The following ELF2 variants were observed in gnomAD, a reference collection of about 807,000 sequenced individuals.
ELF2 encodes E74 like ETS transcription factor 2, also known as ETS-related transcription factor Elf-2.
A neutral mutation model predicts 54.8 loss-of-function variants in ELF2; 11 were observed. That is an observed-to-expected ratio of 0.20 (90% CI 0.13 to 0.33). ELF2 has a LOEUF of 0.33. Ranked by LOEUF, ELF2 falls within the 10% of genes least tolerant of loss-of-function variation. The probability of loss-of-function intolerance (pLI) is 1.00; values close to 1 mark genes in which losing one functional copy is unlikely to be tolerated. For missense variants in ELF2, 513 were observed against 703.0 expected, an observed-to-expected ratio of 0.73 and a Z score of 3.06; for synonymous variants, 203 against 245.1, an observed-to-expected ratio of 0.83 and a Z score of 1.61.
Position 139,137,373 on chromosome 4 carries a change from A to G in ELF2, c.72+257T>C, listed in dbSNP as rs971806544. ...GATTTAAATTTAACTCTCAACTAAT[A>G]CTATAGTGTTCTTTCCATTCCTTTC... On this transcript the variant is annotated intron_variant, in intron 3 of 9. Coordinates refer to ENST00000686138, the MANE Select transcript of ELF2 (RefSeq NM_001331036.3). 7.1e-5 allele frequency: 38 copies of G among 533,874 alleles called. No homozygotes were observed. The South Asian group carries it at 8.0e-4, about 11-fold the overall frequency. The allele number at this position is 533,874 out of a possible 1,614,324, so 33.1% of individuals were successfully genotyped here. A position where few individuals can be genotyped will look rare whatever the true frequency, so the allele number is the denominator to read the frequency against.
chr4:139,136,469 TG>T (rs1738164291), intron 3 of ELF2, among the ~76,000 whole-genome samples: 1 of 150,868 alleles, frequency 6.6e-6, no homozygotes, highest in South Asian at 2.1e-4. Context: ...TGTCCTAACT[TG>T]TTTCTCAAAC....
In ELF2 at chr4:139,057,410, A is replaced by G. The variant is rs1378914802; in HGVS notation, c.*1573T>C. On this transcript the variant is annotated 3_prime_UTR_variant, in exon 10 of 10. Transcript: ENST00000686138. ...GTATGAGTTCATCTACATTTCTAAAACATGTAAAAATAGATAACTTTTCTT... is the reference window on the plus strand; with the variant it reads ...GTATGAGTTCATCTACATTTCTAAAGCATGTAAAAATAGATAACTTTTCTT... The G allele has an allele frequency of 6.6e-6, 1 of 152,220 alleles. No homozygotes were observed. Among genetic ancestry groups the G allele is most frequent in the Non-Finnish European group, 1.5e-5 (1 of 68,032 alleles). 9.4% of individuals were successfully genotyped at this position (152,220 alleles called of 1,614,324 possible).
At chr4:139,143,658 G>C (rs746582510) in intron 1 of ELF2, among the ~76,000 whole-genome samples, 4 of 152,080 alleles carry the variant, frequency 2.6e-5, no homozygotes, top group African/African-American at 9.7e-5. Flanking sequence ...GGTGGCAGGC[G>C]CCTGTAATCC....
At chr4:139,080,599 A>G (rs1404251213) in intron 4 of ELF2, among the ~76,000 whole-genome samples, 1 of 152,158 alleles carries the variant, frequency 6.6e-6, no homozygotes, top group African/African-American at 2.4e-5. Flanking sequence ...GCAAATGTAA[A>G]AATAAAATAA....
chr4:139,131,157 G>C (rs1270194744), intron 3 of ELF2, among the ~76,000 whole-genome samples: 1 of 152,176 alleles, frequency 6.6e-6, no homozygotes, highest in Non-Finnish European at 1.5e-5. Context: ...AGGATACCCA[G>C]TTAAATTTGA....
At chr4:139,122,915 T>A (rs191707811) in intron 4 of ELF2, among the ~76,000 whole-genome samples, 104 of 151,930 alleles carry the variant, frequency 6.8e-4, no homozygotes, top group African/African-American at 2.5e-3. Flanking sequence ...CTGGGCACGC[T>A]GGCTTGTGCC....
At chr4:139,134,564 GTTATTTTATTTTATGTTATAT>G (rs1205676503) in intron 3 of ELF2, among the ~76,000 whole-genome samples, 297 of 146,446 alleles carry the variant, frequency 2.0e-3, no homozygotes, top group African/African-American at 6.8e-3. Context: ...TTTATTTTAT[GTTATTTTATTTTATGTTATAT>G]TTATTTTATT....
intron 4 of ELF2, chr4:139,114,909 G>A (rs914755801): frequency 5.3e-5 from 85 of 1,611,920 alleles, no homozygotes; most frequent in Non-Finnish European, 6.3e-5. Flanking sequence ...GGGAACCACC[G>A]TTCTCCTGGG....
intron 9 of ELF2, among the ~76,000 whole-genome samples, chr4:139,059,970 C>G (rs1727592804): frequency 6.6e-6 from 1 of 151,930 alleles, no homozygotes; most frequent in Non-Finnish European, 1.5e-5. Context: ...GCCTTAGCTT[C>G]CTCAGTAGTT....
rs566021376 is a variant in ELF2 at position 139,165,395 on chromosome 4, G to A, written c.-252+11572C>T. On this transcript the variant is annotated intron_variant, in intron 1 of 9. Coordinates refer to ENST00000686138, the MANE Select transcript of ELF2 (RefSeq NM_001331036.3). ...ATTAAGTCTTTTGGCTTGGAGCGGTGGCTCATGCCTGTAATCCCAGCACTC... is the reference window on the plus strand; with the variant it reads ...ATTAAGTCTTTTGGCTTGGAGCGGTAGCTCATGCCTGTAATCCCAGCACTC... Among the ~76,000 whole-genome samples, 79 of 152,284 alleles carry A rather than the reference G, an allele frequency of 5.2e-4. 1 individual carries two copies. Among genetic ancestry groups the A allele is most frequent in the Middle Eastern group, 3.4e-3 (1 of 294 alleles).
chr4:139,093,853 T>A (rs1378109507), intron 4 of ELF2, among the ~76,000 whole-genome samples: 1 of 151,986 alleles, frequency 6.6e-6, no homozygotes, highest in Non-Finnish European at 1.5e-5. Flanking sequence ...CTACTCTTTT[T>A]AAAATATCAC....
At chr4:139,171,593 T>C (rs1742312342) in intron 1 of ELF2, among the ~76,000 whole-genome samples, 1 of 145,016 alleles carries the variant, frequency 6.9e-6, no homozygotes, top group Non-Finnish European at 1.5e-5. Flanking sequence ...CACTAAACAG[T>C]ACACAGAGAA....
intron 1 of ELF2, among the ~76,000 whole-genome samples, chr4:139,165,568 C>G (rs945685289): frequency 6.6e-6 from 1 of 152,124 alleles, no homozygotes; most frequent in Non-Finnish European, 1.5e-5. Flanking sequence ...GAGGCTGAGG[C>G]AGGAGAACCA....
chr4:139,151,956 A>G (rs1343294429), intron 1 of ELF2, among the ~76,000 whole-genome samples: 2 of 152,228 alleles, frequency 1.3e-5, no homozygotes, highest in Admixed American at 1.3e-4. Context: ...CTTACTTGCT[A>G]TTACACCAAT....
intron 4 of ELF2, among the ~76,000 whole-genome samples, chr4:139,108,618 T>A (rs975225354): frequency 6.6e-6 from 1 of 151,524 alleles, no homozygotes; most frequent in African/African-American, 2.4e-5. Context: ...AAAAAAAAAA[T>A]TCTGTGCTTT....
intron 1 of ELF2, among the ~76,000 whole-genome samples, chr4:139,157,618 G>A (rs1425722657): frequency 6.6e-6 from 1 of 152,044 alleles, no homozygotes; most frequent in Non-Finnish European, 1.5e-5. Context: ...TGCCCAGGCA[G>A]GTCTGAAACT....
At chr4:139,162,303 G>C (rs1373362641) in intron 1 of ELF2, among the ~76,000 whole-genome samples, 2 of 152,086 alleles carry the variant, frequency 1.3e-5, no homozygotes, top group African/African-American at 4.8e-5. Context: ...CAGATCACAA[G>C]GTCAGGAGTT....
At chr4:139,134,289 TAAA>T (rs572281376) in intron 3 of ELF2, among the ~76,000 whole-genome samples, 2 of 149,994 alleles carry the variant, frequency 1.3e-5, no homozygotes, top group African/African-American at 4.9e-5. Context: ...TTCCTGGGAT[TAAA>T]AAAAAAATTG....
intron 7 of ELF2, among the ~76,000 whole-genome samples, chr4:139,064,076 A>G (rs1728297004): frequency 6.6e-6 from 1 of 152,152 alleles, no homozygotes; most frequent in African/African-American, 2.4e-5. Flanking sequence ...TGGGAGGCCA[A>G]GGTGGGTGGA....
Sources: gnomAD v4.1 joint callset for allele counts (sites outside exome capture counted in the v4.1 genomes callset) on GRCh38, gnomAD v4.1.1 for gene constraint, MANE v1.5 for transcripts, NCBI Gene and HGNC (gene_info 2026-07-23, HGNC 2026-07-21) for gene names.